Variants in BTBD9 observed in about 807,000 individuals in gnomAD.
BTBD9 encodes the protein BTB/POZ domain-containing protein 9.
Under a neutral mutation model 64.3 loss-of-function variants are expected in BTBD9, and 49 were observed. The ratio of observed to expected loss-of-function variants is 0.76; its 90% CI spans 0.61 to 0.97. BTBD9 has a LOEUF of 0.97. BTBD9 is among the 50% of genes least tolerant of loss of function. The pLI, the probability that BTBD9 is intolerant of heterozygous loss-of-function variation, is 0.00. For synonymous variants in BTBD9, 260 were observed against 274.7 expected, an observed-to-expected ratio of 0.95 and a Z score of 0.53; for missense variants, 598 against 762.1, an observed-to-expected ratio of 0.78 and a Z score of 2.53.
At chr6:38,390,101 A>G (rs903589790) in intron 6 of BTBD9, among the ~76,000 whole-genome samples, 2 of 152,314 alleles carry the variant, frequency 1.3e-5, no homozygotes, top group African/African-American at 2.4e-5. Context: ...GTGCCGTCAC[A>G]TATCTCAGAG....
chr6:38,491,825 A>G (rs1771714918), intron 6 of BTBD9, among the ~76,000 whole-genome samples: 1 of 152,210 alleles, frequency 6.6e-6, no homozygotes, highest in African/African-American at 2.4e-5. Flanking sequence ...TGTATTAAGA[A>G]TCATTAAAGT....
At chr6:38,314,598 C>A (rs1033301937) in intron 7 of BTBD9, among the ~76,000 whole-genome samples, 5 of 151,994 alleles carry the variant, frequency 3.3e-5, no homozygotes, top group African/African-American at 7.2e-5. Flanking sequence ...CTGGGCTTTT[C>A]TTTATTTCTT....
At chr6:38,543,948 C>T (rs1165366682) in intron 6 of BTBD9, among the ~76,000 whole-genome samples, 1 of 147,678 alleles carries the variant, frequency 6.8e-6, no homozygotes, top group Non-Finnish European at 1.5e-5. Flanking sequence ...CACAGCGAGA[C>T]TCCGTCTCAA....
At chr6:38,560,481 A>C (rs373923434) in intron 6 of BTBD9, among the ~76,000 whole-genome samples, 10 of 152,338 alleles carry the variant, frequency 6.6e-5, no homozygotes, top group East Asian at 5.8e-4. Context: ...AAATATTTGC[A>C]AATTAATAAA....
intron 6 of BTBD9, among the ~76,000 whole-genome samples, chr6:38,525,234 A>G (rs1773434492): frequency 6.6e-6 from 1 of 152,118 alleles, no homozygotes; most frequent in African/African-American, 2.4e-5. Flanking sequence ...TGATGGTTTT[A>G]TAATCAGTTT....
chr6:38,545,171 A>C (rs1230558348), intron 6 of BTBD9, among the ~76,000 whole-genome samples: 1 of 151,452 alleles, frequency 6.6e-6, no homozygotes, highest in Non-Finnish European at 1.5e-5. Context: ...AGCTCACTGC[A>C]ACCTCCGCCT....
chr6:38,527,772 TAGGAA>T (rs753169084), intron 6 of BTBD9, among the ~76,000 whole-genome samples: 2 of 139,794 alleles, frequency 1.4e-5, no homozygotes, highest in Non-Finnish European at 2.9e-5. Flanking sequence ...ACCAATTTCC[TAGGAA>T]AGGAAAGACT....
intron 6 of BTBD9, among the ~76,000 whole-genome samples, chr6:38,517,499 G>C (rs1773088554): frequency 6.6e-6 from 1 of 151,924 alleles, no homozygotes; most frequent in African/African-American, 2.4e-5. Context: ...AGTCACTTTT[G>C]GACTTGTATG....
At chr6:38,516,285 T>C (rs1278106200) in intron 6 of BTBD9, among the ~76,000 whole-genome samples, 2 of 151,658 alleles carry the variant, frequency 1.3e-5, no homozygotes, top group East Asian at 3.9e-4. Flanking sequence ...TTCCATGAAT[T>C]TAAAAAAAAA....
rs80200462 is a variant in BTBD9 at position 38,491,237 on chromosome 6, C to A, written c.1154+86363G>T. 8.8e-3 allele frequency among the ~76,000 whole-genome samples: 1,333 copies of A among 152,286 alleles called. 16 individuals carry two copies. Among genetic ancestry groups the A allele is most frequent in the African/African-American group, 0.029 (1,217 of 41,538 alleles). On this transcript the variant is annotated intron_variant, in intron 6 of 10. Coordinates refer to ENST00000481247, the MANE Select transcript of BTBD9 (RefSeq NM_001099272.2). ...TGATGTCCTCTGTCCCGTGGAAATA[C>A]CCGCAAACACAATATCGTGAAATAA...
intron 6 of BTBD9, among the ~76,000 whole-genome samples, chr6:38,390,651 A>G (rs956198562): frequency 6.6e-6 from 1 of 152,186 alleles, no homozygotes; most frequent in African/African-American, 2.4e-5. Context: ...AATTCAGGAC[A>G]TTACACAACT....
In BTBD9 at chr6:38,590,854, A is replaced by C. The variant is rs539389488; in HGVS notation, c.814+1722T>G. Among the ~76,000 whole-genome samples, 66 of 152,312 alleles carry C rather than the reference A, an allele frequency of 4.3e-4. 1 individual carries two copies. The South Asian group carries it at 0.01, about 24-fold the overall frequency. On this transcript the variant is annotated intron_variant, in intron 4 of 10. Coordinates refer to ENST00000481247, the MANE Select transcript of BTBD9 (RefSeq NM_001099272.2). ...TCTGGCTTCTTAGATTTGATAACAA[A>C]TGGTAACTTTCTCCTAAACTTAATC... is the stretch of plus-strand genomic sequence containing the variant.
chr6:38,543,976 C>T (rs1167107349), intron 6 of BTBD9, among the ~76,000 whole-genome samples: 5 of 151,186 alleles, frequency 3.3e-5, no homozygotes, highest in Non-Finnish European at 7.4e-5. Context: ...AAAAAACCTG[C>T]CCTGAAGGAA....
rs995833560 is a variant in BTBD9 at position 38,171,023 on chromosome 6, T to A, written c.*3962A>T. On this transcript the variant is annotated 3_prime_UTR_variant, in exon 11 of 11. Transcript: ENST00000481247. ...AATTTTCTTTTCCTCTTTGACACCT[T>A]TCTTCCCTGTCCAAAGGGAGGTTCT... The A allele has an allele frequency of 3.3e-5, 5 of 152,256 alleles. No individual in the cohort carries two copies. The highest frequency in any genetic ancestry group is 7.3e-5 in the Non-Finnish European group (5 of 68,042). 9.4% of individuals were successfully genotyped at this position (152,256 alleles called of 1,614,324 possible). A position where few individuals can be genotyped will look rare whatever the true frequency, so the allele number is the denominator to read the frequency against.
chr6:38,461,622 C>A (rs919794550), intron 6 of BTBD9, among the ~76,000 whole-genome samples: 1 of 152,184 alleles, frequency 6.6e-6, no homozygotes, highest in African/African-American at 2.4e-5. Context: ...CTGCTGTGAA[C>A]ATTTATGTGT....
intron 9 of BTBD9, among the ~76,000 whole-genome samples, chr6:38,222,562 AT>A (rs1308896082): frequency 2.0e-5 from 3 of 151,972 alleles, no homozygotes; most frequent in Non-Finnish European, 4.4e-5. Context: ...CCAGACCTTG[AT>A]TTTAATAATA....
chr6:38,346,712 T>C (rs994545489), intron 6 of BTBD9, among the ~76,000 whole-genome samples: 6 of 152,186 alleles, frequency 3.9e-5, no homozygotes, highest in African/African-American at 9.6e-5. Flanking sequence ...ACAATCTCCC[T>C]GGTGCTTTCT....
At chr6:38,276,567 C>T (rs1004943986) in intron 8 of BTBD9, among the ~76,000 whole-genome samples, 1 of 152,090 alleles carries the variant, frequency 6.6e-6, no homozygotes, top group Non-Finnish European at 1.5e-5. Flanking sequence ...TACTTCTTCT[C>T]CCAAGATTTA....
chr6:38,278,942 T>C (rs1561963716), intron 8 of BTBD9, among the ~76,000 whole-genome samples: 1 of 152,222 alleles, frequency 6.6e-6, no homozygotes, highest in Non-Finnish European at 1.5e-5. Flanking sequence ...ACTCTGCATT[T>C]ATCTATGTAA....
Sources: gnomAD v4.1 joint callset for allele counts (sites outside exome capture counted in the v4.1 genomes callset) on GRCh38, gnomAD v4.1.1 for gene constraint, MANE v1.5 for transcripts, NCBI Gene and HGNC (gene_info 2026-07-23, HGNC 2026-07-21) for gene names.